Variants in SLC9D1 observed in about 807,000 individuals in gnomAD.
SLC9D1 encodes the protein putative LAG1-interacting protein.
chr13:113,506,548 TGTGTGTGTGA>T, the SLC9D1 span, among the ~76,000 whole-genome samples: 1 of 134,844 alleles, frequency 7.4e-6, no homozygotes, highest in African/African-American at 3.2e-5. Flanking sequence ...AGCATGGGCG[TGTGTGTGTGA>T]GTGTGTGTGT....
the SLC9D1 span, among the ~76,000 whole-genome samples, chr13:113,546,496 C>G: frequency 6.6e-6 from 1 of 152,114 alleles, no homozygotes; most frequent in Non-Finnish European, 1.5e-5. The surrounding 1 kb of genome is among the most constrained non-coding windows in gnomAD (Gnocchi z 7.1). Context: ...GCAAGAGAAC[C>G]CCGGGTCGTG....
chr13:113,500,543 A>C, the SLC9D1 span, among the ~76,000 whole-genome samples: 1 of 152,222 alleles, frequency 6.6e-6, no homozygotes, highest in African/African-American at 2.4e-5. Context: ...ATGAGAACCC[A>C]TCCAGCAGTG....
At chr13:113,503,345 TTGTGTGTGTGTGTG>T in the SLC9D1 span, 132 of 476,162 alleles carry the variant, frequency 2.8e-4, no homozygotes, top group African/African-American at 5.3e-4. Flanking sequence ...CACTGTGTGA[TTGTGTGTGTGTGTG>T]TGTGTGTGTG....
At chr13:113,518,991 A>T in the SLC9D1 span, among the ~76,000 whole-genome samples, 33 of 152,018 alleles carry the variant, frequency 2.2e-4, no homozygotes, top group Non-Finnish European at 3.8e-4. Context: ...CTGTTTTTTT[A>T]AAATAAGCCT....
At chr13:113,534,413 C>G in the SLC9D1 span, 13 of 631,036 alleles carry the variant, frequency 2.1e-5, no homozygotes, top group Admixed American at 4.0e-4. Flanking sequence ...AAATATAATA[C>G]AGGGAGCTAA....
the SLC9D1 span, chr13:113,520,401 T>A: frequency 5.3e-6 from 2 of 380,798 alleles, no homozygotes; most frequent in Non-Finnish European, 9.6e-6. Flanking sequence ...GGAGAATCAC[T>A]TGAACCCGGG....
At chr13:113,549,801 G>T in the SLC9D1 span, 1 of 588,444 alleles carries the variant, frequency 1.7e-6, no homozygotes, top group Non-Finnish European at 3.0e-6. Context: ...TGAATGTGGT[G>T]CCTGGATGTG....
the SLC9D1 span, among the ~76,000 whole-genome samples, chr13:113,502,968 G>C: frequency 3.3e-5 from 5 of 152,220 alleles, no homozygotes; most frequent in African/African-American, 1.2e-4. Context: ...GCCCACGTGT[G>C]GGGGCTCCCA....
At chr13:113,513,673 T>A in the SLC9D1 span, among the ~76,000 whole-genome samples, 1 of 152,160 alleles carries the variant, frequency 6.6e-6, no homozygotes, top group Non-Finnish European at 1.5e-5. Flanking sequence ...CCTTTGAGGA[T>A]AAAGTCACAA....
the SLC9D1 span, chr13:113,527,374 AAT>A: frequency 6.6e-6 from 1 of 151,974 alleles, no homozygotes; most frequent in Non-Finnish European, 1.5e-5. Flanking sequence ...GCTGGCCACA[AAT>A]TCTCTAAGTT....
the SLC9D1 span, chr13:113,530,384 G>T: frequency 1.3e-5 from 2 of 152,124 alleles, no homozygotes; most frequent in African/African-American, 4.8e-5. Flanking sequence ...TATCATAGCT[G>T]TTAAAAATAT....
the SLC9D1 span, among the ~76,000 whole-genome samples, chr13:113,515,890 CAA>C: frequency 0.012 from 983 of 79,118 alleles, 5 homozygotes; most frequent in African/African-American, 0.039. Context: ...GACTCCGTCC[CAA>C]AAAAAAAAAA....
the SLC9D1 span, among the ~76,000 whole-genome samples, chr13:113,533,449 G>A: frequency 4.6e-5 from 7 of 152,266 alleles, no homozygotes; most frequent in African/African-American, 1.7e-4. Context: ...TGTGGCCTGA[G>A]TGGTGGAAGG....
the SLC9D1 span, among the ~76,000 whole-genome samples, chr13:113,506,305 G>A: frequency 5.1e-4 from 62 of 121,352 alleles, no homozygotes; most frequent in Non-Finnish European, 8.4e-4. Flanking sequence ...CTGGCCTGTG[G>A]AGGAAGAGGC....
chr13:113,495,547 G>C, the SLC9D1 span: 42 of 1,475,990 alleles, frequency 2.8e-5, no homozygotes, highest in Non-Finnish European at 3.7e-5. Context: ...GCAGAGACCC[G>C]TGGATTGCTG....
chr13:113,533,828 G>C, the SLC9D1 span, among the ~76,000 whole-genome samples: 2 of 152,204 alleles, frequency 1.3e-5, no homozygotes, highest in Non-Finnish European at 2.9e-5. Flanking sequence ...CCAGAGTATT[G>C]ACTGCAAACC....
chr13:113,530,213 G>A, the SLC9D1 span: 6 of 152,202 alleles, frequency 3.9e-5, no homozygotes, highest in Non-Finnish European at 7.3e-5. Context: ...GGGAGGTTGG[G>A]GGAGATGGGG....
At chr13:113,548,429 A>C in the SLC9D1 span, 1 of 1,611,130 alleles carries the variant, frequency 6.2e-7, no homozygotes, top group Non-Finnish European at 8.5e-7. Context: ...CCGGGCGCGA[A>C]GAGCGGGCGT....
the SLC9D1 span, among the ~76,000 whole-genome samples, chr13:113,509,486 C>T: frequency 6.6e-6 from 1 of 152,144 alleles, no homozygotes; most frequent in South Asian, 2.1e-4. Flanking sequence ...GGTGGGCTCT[C>T]CCGGAGCCGC....
Sources: gnomAD v4.1 joint callset for allele counts (sites outside exome capture counted in the v4.1 genomes callset) on GRCh38, gnomAD v4.1.1 for gene constraint, Gnocchi (gnomAD v3.1) non-coding constraint, MANE v1.5 for transcripts, NCBI Gene and HGNC (gene_info 2026-07-23, HGNC 2026-07-21) for gene names.